Variants in SH2D2A observed in about 807,000 individuals in gnomAD.
The protein encoded by SH2D2A is SH2 domain-containing protein 2A.
In SH2D2A, 33 loss-of-function variants were observed where a neutral mutation model predicts 43.6. The observed-to-expected ratio is 0.76, with a 90% CI of 0.57 to 1.01. The LOEUF is 1.01. Ranked by LOEUF, SH2D2A falls within the 50% of genes least tolerant of loss-of-function variation. The pLI is 0.00. For missense variants in SH2D2A, 491 were observed against 503.1 expected, an observed-to-expected ratio of 0.98 and a Z score of 0.23; for synonymous variants, 212 against 206.1, an observed-to-expected ratio of 1.03 and a Z score of -0.25.
Position 156,807,373 on chromosome 1 carries a change from A to G in SH2D2A, c.1003-28T>C. ...GCAGAGAGAAGGACAGTTCTAGGTC[A>G]CACCCTCTACCCTCTGCCTCCTAGG... is the stretch of plus-strand genomic sequence containing the variant. On this transcript the variant is annotated intron_variant, in intron 7 of 8. Coordinates refer to ENST00000368199, the MANE Select transcript of SH2D2A (RefSeq NM_003975.4). The surrounding 1 kb of genome is among the most constrained non-coding windows in gnomAD (Gnocchi z 5.1). 6.7e-7 allele frequency: 1 copy of G among 1,483,386 alleles called. No homozygotes were observed. The highest frequency in any genetic ancestry group is 8.9e-7 in the Non-Finnish European group (1 of 1,120,692). The allele number at this position is 1,483,386 out of a possible 1,614,324, so 91.9% of individuals were successfully genotyped here. A position where few individuals can be genotyped will look rare whatever the true frequency, so the allele number is the denominator to read the frequency against.
At chr1:156,816,484 C>G (rs759766037) in intron 1 of SH2D2A, among the ~76,000 whole-genome samples, 191 bp downstream of exon 1, 2 of 152,198 alleles carry the variant, frequency 1.3e-5, no homozygotes, top group African/African-American at 2.4e-5. Flanking sequence ...ACCCTGTCAC[C>G]TTTATCCTCA....
chr1:156,809,676 C>A lies in SH2D2A; in HGVS notation c.699G>T (p.Gly233=). 6.2e-7 allele frequency: 1 copy of A among 1,611,544 alleles called. No individual in the cohort carries two copies. The highest frequency in any genetic ancestry group is 2.2e-5 in the East Asian group (1 of 44,866). ...AGCCCAATACCTCCTTCTCCCCGGC[C>A]CCCTCTTTCTGCATCGGGACTGGGG... ...GQAPVPMQKE[G]AGEKEPSQLL... is the part of the protein sequence containing the mutation. Residue 233 remains glycine (G), a synonymous_variant, in exon 6 of 9, where the codon GGG becomes GGT. Transcript: ENST00000368199. The surrounding 1 kb of genome is among the most constrained non-coding windows in gnomAD (Gnocchi z 4.8).
intron 1 of SH2D2A, 156 bp from the exon 2 acceptor site, chr1:156,816,250 T>A (rs1428984087): frequency 1.2e-6 from 1 of 825,128 alleles, no homozygotes; most frequent in East Asian, 1.2e-4. Context: ...TTCTCAGGCA[T>A]GAGGTTAAGT....
chr1:156,815,552 G>T, intron 2 of SH2D2A: 1 of 608,208 alleles, frequency 1.6e-6, no homozygotes, highest in South Asian at 1.9e-5. Flanking sequence ...CCTGGAGGAT[G>T]AAGAAACATG....
chr1:156,813,962 G>T lies in SH2D2A; in HGVS notation c.453C>A (p.His151Gln). Residue 151 changes from histidine to glutamine, a missense_variant, in exon 5 of 9, where the codon CAC (histidine) becomes CAA (glutamine). By Grantham distance (24) the His-to-Gln change is conservative. Transcript: ENST00000368199. ...GGGCGCTGTCCTCGCCCAGCACCAC[G>T]TGGCGCCCGTCCCTGAGCTGGGCCA... is the stretch of plus-strand genomic sequence containing the variant. ...FLLAQLRDGR[H>Q]VVLGEDSAHA... 6 of 1,531,132 alleles carry T rather than the reference G, an allele frequency of 3.9e-6. No individual in the cohort carries two copies. Among genetic ancestry groups the T allele is most frequent in the South Asian group, 1.2e-5 (1 of 83,526 alleles). 94.8% of individuals were successfully genotyped at this position (1,531,132 alleles called of 1,614,324 possible).
rs1185199077 is a variant in SH2D2A at position 156,809,839 on chromosome 1, G to A, written c.568-32C>T. On this transcript the variant is annotated intron_variant, in intron 5 of 8. Coordinates refer to ENST00000368199, the MANE Select transcript of SH2D2A (RefSeq NM_003975.4). This position sits in a 1 kb window ranked among gnomAD's most constrained non-coding sequence, Gnocchi z 4.8. Reference sequence around the variant, plus strand: ...GGAAAGAAGGAGGTCTGAGGCACTCGGTGGAGCGTTGGGGTGGGGGAGGTG... The same window carrying A: ...GGAAAGAAGGAGGTCTGAGGCACTCAGTGGAGCGTTGGGGTGGGGGAGGTG... 6.2e-7 allele frequency: 1 copy of A among 1,611,894 alleles called. No individual in the cohort carries two copies. The highest frequency in any genetic ancestry group is 1.1e-5 in the South Asian group (1 of 90,848).
In SH2D2A at chr1:156,807,376, C is replaced by T. The variant is rs1653050120; in HGVS notation, c.1003-31G>A. 3 of 1,463,986 alleles carry T rather than the reference C, an allele frequency of 2.0e-6. No homozygotes were observed. The highest frequency in any genetic ancestry group is 2.5e-5 in the East Asian group (1 of 40,680). The allele number at this position is 1,463,986 out of a possible 1,614,324, so 90.7% of individuals were successfully genotyped here. On this transcript the variant is annotated intron_variant, in intron 7 of 8. Transcript: ENST00000368199. The surrounding 1 kb of genome is among the most constrained non-coding windows in gnomAD (Gnocchi z 5.1). ...GAGAGAAGGACAGTTCTAGGTCACACCCTCTACCCTCTGCCTCCTAGGTGT... is the reference window on the plus strand; with the variant it reads ...GAGAGAAGGACAGTTCTAGGTCACATCCTCTACCCTCTGCCTCCTAGGTGT...
At chr1:156,810,038 A>G (rs1444395756) in intron 5 of SH2D2A, among the ~76,000 whole-genome samples, 3 of 152,106 alleles carry the variant, frequency 2.0e-5, no homozygotes, top group African/African-American at 7.2e-5. Flanking sequence ...ATCTAGCATT[A>G]AAGTTTTTCT....
In SH2D2A at chr1:156,814,004, G is replaced by C; in HGVS notation, c.411C>G (p.Cys137Trp). ...TFVLTYRSRT[C>W]CRHFLLAQLR... ...GCTGGGCCAGCAGGAAGTGGCGGCAGCAAGTCCGGCTCCTGGAGGGCGCCG... is the reference window on the plus strand; with the variant it reads ...GCTGGGCCAGCAGGAAGTGGCGGCACCAAGTCCGGCTCCTGGAGGGCGCCG... The change falls in exon 5 of 9, where the codon TGC becomes TGG. Residue 137 changes from cysteine to tryptophan, a missense_variant. Physicochemically the swap from Cys to Trp is radical, Grantham distance 215. Coordinates refer to ENST00000368199, the MANE Select transcript of SH2D2A (RefSeq NM_003975.4). 2.0e-6 allele frequency: 3 copies of C among 1,513,788 alleles called. No individual in the cohort carries two copies. The highest frequency in any genetic ancestry group is 2.7e-6 in the Non-Finnish European group (3 of 1,131,042). The allele number at this position is 1,513,788 out of a possible 1,614,324, so 93.8% of individuals were successfully genotyped here. A position where few individuals can be genotyped will look rare whatever the true frequency, so the allele number is the denominator to read the frequency against.
rs1653249539 is a variant in SH2D2A at position 156,809,587 on chromosome 1, CCCT to C, written c.714+71_714+73del. The stretch of plus-strand genomic sequence containing the variant: ...GCCTGAGCCTCTGCCCCCGCTAGGC[CCCT>C]CCTCCTCCCCGCTGCCTGCACCCCC... On this transcript the variant is annotated intron_variant, in intron 6 of 8. Transcript: ENST00000368199. This position sits in a 1 kb window ranked among gnomAD's most constrained non-coding sequence, Gnocchi z 4.8. The C allele has an allele frequency of 1.0e-5, 16 of 1,557,528 alleles. No homozygotes were observed. In the South Asian group the frequency reaches 1.5e-4, roughly 14 times the overall value.
intron 5 of SH2D2A, among the ~76,000 whole-genome samples, chr1:156,811,147 C>A (rs1345810406): frequency 6.6e-6 from 1 of 152,206 alleles, no homozygotes; most frequent in Non-Finnish European, 1.5e-5. Flanking sequence ...CGAAACAGCA[C>A]CTTAGGAGTC....
In SH2D2A at chr1:156,807,258, G is replaced by C; in HGVS notation, c.1090C>G (p.His364Asp). The change falls in exon 8 of 9, where the codon CAC (histidine) becomes GAC (aspartate). Residue 364 changes from histidine (H) to aspartate (D), a missense_variant. By Grantham distance (81) the His-to-Asp change is moderately conservative. Transcript: ENST00000368199. This position sits in a 1 kb window ranked among gnomAD's most constrained non-coding sequence, Gnocchi z 5.1. ...CTAGAAAGATTGTGGGGGAGGGTGT[G>C]TCTCCAGGCGGGTGGGGGCTGGTGG... ...LPHQPPPAWR[H>D]TLPHNLSRQV... 1 of 1,466,840 alleles carries C rather than the reference G, an allele frequency of 6.8e-7. No homozygotes were observed. 90.9% of individuals were successfully genotyped at this position (1,466,840 alleles called of 1,614,324 possible).
rs771905812 is a variant in SH2D2A, at chr1:156,809,472, G to T, written c.733C>A (p.Pro245Thr). ...GGTTTGGCGGGGATGGGAGGCTTGG[G>T]CCTGAGCAGCTGGGAGGGCTGGGAG... ...GEKEPSQLLR[P>T]KPPIPAKPQL... The change falls in exon 7 of 9, where the codon CCC becomes ACC. Residue 245 changes from proline (P) to threonine (T), a missense_variant. Pro to Thr is a conservative substitution (Grantham distance 38). Coordinates refer to ENST00000368199, the MANE Select transcript of SH2D2A (RefSeq NM_003975.4). This position sits in a 1 kb window ranked among gnomAD's most constrained non-coding sequence, Gnocchi z 4.8. The T allele has an allele frequency of 6.2e-7, 1 of 1,606,212 alleles. No individual in the cohort carries two copies. Among genetic ancestry groups the T allele is most frequent in the South Asian group, 1.1e-5 (1 of 90,560 alleles).
In SH2D2A at chr1:156,807,475, T is replaced by A; in HGVS notation, c.1003-130A>T. 1 of 743,456 alleles carries A rather than the reference T, an allele frequency of 1.3e-6. No homozygotes were observed. The allele number at this position is 743,456 out of a possible 1,614,324, so 46.1% of individuals were successfully genotyped here. A position where few individuals can be genotyped will look rare whatever the true frequency, so the allele number is the denominator to read the frequency against. ...AGGGTATCTAAACTCCTCTCATTCA[T>A]TAATTCAACAAACATCTCCTGAGCA... On this transcript the variant is annotated intron_variant, in intron 7 of 8. Coordinates refer to ENST00000368199, the MANE Select transcript of SH2D2A (RefSeq NM_003975.4). The surrounding 1 kb of genome is among the most constrained non-coding windows in gnomAD (Gnocchi z 5.1).
intron 4 of SH2D2A, 40 bp downstream of exon 4, chr1:156,814,165 C>T (rs1558066852): frequency 5.6e-6 from 9 of 1,610,886 alleles, no homozygotes; most frequent in Admixed American, 1.7e-5. Flanking sequence ...CCCTCCCGAG[C>T]CCCGCCTTGT....
chr1:156,809,866 T>C lies in SH2D2A; in HGVS notation c.568-59A>G. 9.8e-6 allele frequency: 15 copies of C among 1,535,002 alleles called. No homozygotes were observed. The highest frequency in any genetic ancestry group is 1.3e-5 in the Non-Finnish European group (14 of 1,118,276). On this transcript the variant is annotated intron_variant, in intron 5 of 8. Coordinates refer to ENST00000368199, the MANE Select transcript of SH2D2A (RefSeq NM_003975.4). The surrounding 1 kb of genome is among the most constrained non-coding windows in gnomAD (Gnocchi z 4.8). ...TGGAGCGTTGGGGTGGGGGAGGTGA[T>C]CAGGAGGACAAAATAATCCAGTCTA...
At position 156,807,359 on chromosome 1, in the gene SH2D2A, G is replaced by T; in HGVS notation, c.1003-14C>A. On this transcript the variant is annotated splice_polypyrimidine_tract_variant and intron_variant, in intron 7 of 8. Coordinates refer to ENST00000368199, the MANE Select transcript of SH2D2A (RefSeq NM_003975.4). The surrounding 1 kb of genome is among the most constrained non-coding windows in gnomAD (Gnocchi z 5.1). ...GCCACCTGTATTCTGCAGAGAGAAGGACAGTTCTAGGTCACACCCTCTACC... is the reference window on the plus strand; with the variant it reads ...GCCACCTGTATTCTGCAGAGAGAAGTACAGTTCTAGGTCACACCCTCTACC... The T allele has an allele frequency of 6.6e-7, 1 of 1,516,158 alleles. No individual in the cohort carries two copies. 93.9% of individuals were successfully genotyped at this position (1,516,158 alleles called of 1,614,324 possible).
chr1:156,807,568 C>T lies in SH2D2A; in HGVS notation c.1003-223G>A, dbSNP rs542856783. On this transcript the variant is annotated intron_variant, in intron 7 of 8. Transcript: ENST00000368199. The surrounding 1 kb of genome is among the most constrained non-coding windows in gnomAD (Gnocchi z 5.1). ...ATGGGTAAGTCCCAGCCCCTCCCTT[C>T]AGGGAACTCACACTCTAAACTAGGG... 6.6e-6 allele frequency among the ~76,000 whole-genome samples: 1 copy of T among 152,182 alleles called. No individual in the cohort carries two copies. Among genetic ancestry groups the T allele is most frequent in the East Asian group, 1.9e-4 (1 of 5,192 alleles).
At chr1:156,812,791 A>C (rs1204891322) in intron 5 of SH2D2A, among the ~76,000 whole-genome samples, 1 of 151,434 alleles carries the variant, frequency 6.6e-6, no homozygotes, top group African/African-American at 2.4e-5. Context: ...TACTAGACAG[A>C]CTCTGTCTTC....
Sources: gnomAD v4.1 joint callset for allele counts (sites outside exome capture counted in the v4.1 genomes callset) on GRCh38, gnomAD v4.1.1 for gene constraint, Gnocchi (gnomAD v3.1) non-coding constraint, MANE v1.5 for transcripts, NCBI Gene and HGNC (gene_info 2026-07-23, HGNC 2026-07-21) for gene names.